Variants in NRG1 observed in about 807,000 individuals in gnomAD.
NRG1 encodes pro-neuregulin-1, membrane-bound isoform.
Under a neutral mutation model 63.8 loss-of-function variants are expected in NRG1, and 18 were observed. The ratio of observed to expected loss-of-function variants is 0.28; its 90% CI spans 0.19 to 0.42. NRG1 has a LOEUF of 0.42. NRG1 is among the 10% of genes least tolerant of loss of function. The probability of loss-of-function intolerance (pLI) is 1.00; values close to 1 mark genes in which losing one functional copy is unlikely to be tolerated. For synonymous variants in NRG1, 302 were observed against 301.3 expected, an observed-to-expected ratio of 1.00 and a Z score of -0.02; for missense variants, 762 against 814.7, an observed-to-expected ratio of 0.94 and a Z score of 0.79.
At position 31,774,181 on chromosome 8, in the gene NRG1, T is replaced by C. The variant is rs74591210; in HGVS notation, c.37+134750T>C. On this transcript the variant is annotated intron_variant, in intron 1 of 10. Transcript: ENST00000519301. The stretch of plus-strand genomic sequence containing the variant: ...TGGGGTTTTTACTTTTCTTTGGATC[T>C]TCCTCAGGGCCTTTGCACTTGTGGT... Among the ~76,000 whole-genome samples the C allele has an allele frequency of 5.6e-3, 848 of 152,218 alleles. 8 individuals are homozygous for C. Among genetic ancestry groups the C allele is most frequent in the African/African-American group, 0.02 (814 of 41,534 alleles).
At chr8:31,996,972 T>C (rs1586356507) in intron 1 of NRG1, among the ~76,000 whole-genome samples, 1 of 151,928 alleles carries the variant, frequency 6.6e-6, no homozygotes, top group African/African-American at 2.4e-5. Flanking sequence ...TTCTATACAA[T>C]AGGTACAGTA....
At chr8:32,007,097 C>T (rs2129820335) in intron 1 of NRG1, among the ~76,000 whole-genome samples, 1 of 152,114 alleles carries the variant, frequency 6.6e-6, no homozygotes, top group African/African-American at 2.4e-5. Flanking sequence ...AATAGTCTCC[C>T]TTAGATGTCC....
At chr8:32,718,923 G>A (rs1445772063) in intron 5 of NRG1, among the ~76,000 whole-genome samples, 1 of 151,934 alleles carries the variant, frequency 6.6e-6, no homozygotes, top group Non-Finnish European at 1.5e-5. Context: ...GGTTACTACT[G>A]GTATCCAACC....
At chr8:31,974,801 C>T (rs1174215487) in intron 1 of NRG1, among the ~76,000 whole-genome samples, 1 of 152,196 alleles carries the variant, frequency 6.6e-6, no homozygotes, top group African/African-American at 2.4e-5. Context: ...TATTTTAAAG[C>T]TGATTGGATC....
intron 1 of NRG1, among the ~76,000 whole-genome samples, chr8:32,251,912 T>G (rs942229610): frequency 6.6e-6 from 1 of 152,066 alleles, no homozygotes; most frequent in African/African-American, 2.4e-5. Flanking sequence ...GTCATTTCTC[T>G]AATGACCAGT....
chr8:32,328,338 G>C (rs548576144), intron 1 of NRG1, among the ~76,000 whole-genome samples: 1 of 151,828 alleles, frequency 6.6e-6, no homozygotes, highest in Non-Finnish European at 1.5e-5. Context: ...GGGGAGGGTA[G>C]TATAATTCAA....
In NRG1 at chr8:31,943,864, A is replaced by G. The variant is rs1278594464; in HGVS notation, c.37+304433A>G. Reference sequence around the variant, plus strand: ...TTATGGTCCCCAACAACAAGTTCGCATACTGTGCCTACCTTGTTTTTCTCA... The same window carrying G: ...TTATGGTCCCCAACAACAAGTTCGCGTACTGTGCCTACCTTGTTTTTCTCA... On this transcript the variant is annotated intron_variant, in intron 1 of 10. Transcript: ENST00000519301. Among the ~76,000 whole-genome samples the G allele has an allele frequency of 2.6e-5, 4 of 152,346 alleles. No individual in the cohort carries two copies. The East Asian group carries it at 7.7e-4, about 29-fold the overall frequency.
chr8:31,989,286 A>C (rs139060837), intron 1 of NRG1, among the ~76,000 whole-genome samples: 2,152 of 143,874 alleles, frequency 0.015, 25 homozygotes, highest in Middle Eastern at 0.046. Flanking sequence ...ACAAAACAAA[A>C]AAAAGCCTAA....
chr8:31,937,063 A>T (rs1291127913), intron 1 of NRG1, among the ~76,000 whole-genome samples: 1 of 152,228 alleles, frequency 6.6e-6, no homozygotes, highest in African/African-American at 2.4e-5. Context: ...CCAACATCTC[A>T]TACATAAACT....
At chr8:31,986,670 T>C (rs929832384) in intron 1 of NRG1, among the ~76,000 whole-genome samples, 1 of 152,092 alleles carries the variant, frequency 6.6e-6, no homozygotes, top group Non-Finnish European at 1.5e-5. Flanking sequence ...TTTGTACGAA[T>C]TGGCCAGCTA....
intron 1 of NRG1, among the ~76,000 whole-genome samples, chr8:32,343,949 C>T (rs1489658036): frequency 6.6e-6 from 1 of 152,204 alleles, no homozygotes; most frequent in Non-Finnish European, 1.5e-5. Context: ...GTATATAAAA[C>T]TGTGACTTAA....
chr8:32,002,601 A>C (rs374121285), intron 1 of NRG1, among the ~76,000 whole-genome samples: 200 of 152,012 alleles, frequency 1.3e-3, no homozygotes, highest in African/African-American at 4.6e-3. Context: ...TTCTGCTTCA[A>C]CATTAGGCAA....
intron 1 of NRG1, among the ~76,000 whole-genome samples, chr8:32,314,463 G>A (rs1186389530): frequency 1.3e-5 from 2 of 152,082 alleles, no homozygotes; most frequent in Non-Finnish European, 2.9e-5. Flanking sequence ...CTAAGTAGAC[G>A]TGCTATTACC....
intron 1 of NRG1, among the ~76,000 whole-genome samples, chr8:32,393,491 C>T (rs1327978010): frequency 6.6e-6 from 1 of 152,132 alleles, no homozygotes; most frequent in African/African-American, 2.4e-5. Flanking sequence ...CCTAAATGCC[C>T]ATCAACAGTA....
chr8:32,016,043 CACTT>C (rs1001042239), intron 1 of NRG1, among the ~76,000 whole-genome samples: 4 of 152,048 alleles, frequency 2.6e-5, no homozygotes, highest in Non-Finnish European at 4.4e-5. Context: ...TGAAATGAAA[CACTT>C]AGCCTCTATA....
chr8:32,449,145 C>G (rs901569591), intron 1 of NRG1, among the ~76,000 whole-genome samples: 1 of 151,696 alleles, frequency 6.6e-6, no homozygotes, highest in Non-Finnish European at 1.5e-5. Flanking sequence ...AAAAGTACAA[C>G]AATTAGCTGG....
intron 1 of NRG1, among the ~76,000 whole-genome samples, chr8:32,327,847 A>T (rs1281487926): frequency 6.6e-6 from 1 of 152,146 alleles, no homozygotes; most frequent in Non-Finnish European, 1.5e-5. Flanking sequence ...GGCCAGATGA[A>T]TGTGTCAATA....
intron 1 of NRG1, among the ~76,000 whole-genome samples, chr8:32,305,113 C>G (rs1217688169): frequency 6.6e-6 from 1 of 152,046 alleles, no homozygotes; most frequent in African/African-American, 2.4e-5. Flanking sequence ...TTAACCATAT[C>G]ATGCCACTTT....
chr8:32,344,942 G>A (rs1804690990), intron 1 of NRG1, among the ~76,000 whole-genome samples: 1 of 152,056 alleles, frequency 6.6e-6, no homozygotes, highest in African/African-American at 2.4e-5. Flanking sequence ...TCTGCTCAAG[G>A]CTTGCTAGGG....
Sources: gnomAD v4.1 joint callset for allele counts (sites outside exome capture counted in the v4.1 genomes callset) on GRCh38, gnomAD v4.1.1 for gene constraint, MANE v1.5 for transcripts, NCBI Gene and HGNC (gene_info 2026-07-23, HGNC 2026-07-21) for gene names.